Variants in GPD1 observed in about 807,000 individuals in gnomAD.
The protein encoded by GPD1 is glycerol-3-phosphate dehydrogenase 1, also known as glycerol-3-phosphate dehydrogenase [NAD(+)], cytoplasmic.
In GPD1, 19 loss-of-function variants were observed where a neutral mutation model predicts 34.4. The ratio of observed to expected loss-of-function variants is 0.55; its 90% CI spans 0.39 to 0.81. The LOEUF is 0.81. GPD1 is among the 30% of genes least tolerant of loss of function. The pLI, the probability that GPD1 is intolerant of heterozygous loss-of-function variation, is 0.00. For missense variants in GPD1, 429 were observed against 447.0 expected (o/e 0.96, Z 0.36); for synonymous variants, 172 against 174.1 (o/e 0.99, Z 0.09).
rs34926030 is a variant in GPD1, at chr12:50,109,134, CAAAAAAA to C, written c.954-271_954-265del. ...TAGGCGACAGAGCGAGAGTCTGTCT[CAAAAAAA>C]AAAAAAAAAAAAAAAAAGTGGGTTG... On this transcript the variant is annotated intron_variant, in intron 7 of 7. Coordinates refer to ENST00000301149, the MANE Select transcript of GPD1 (RefSeq NM_005276.4). 9.3e-5 allele frequency among the ~76,000 whole-genome samples: 6 copies of C among 64,354 alleles called. No homozygotes were observed. The East Asian group carries it at 1.4e-3, about 15-fold the overall frequency. The allele number at this position is 64,354 out of a possible 152,430, so 42.2% of individuals were successfully genotyped here. A position where few individuals can be genotyped will look rare whatever the true frequency, so the allele number is the denominator to read the frequency against.
rs1478650376 is a variant in GPD1 at position 50,108,039 on chromosome 12, G to T, written c.862G>T (p.Glu288Ter). ...TTCTGCACAGTCCATTGAGCAGCTG[G>T]AGAAAGAGTTGCTGAATGGGCAGAA... The part of the protein sequence containing the change: ...ARTGKSIEQL[E>*]KELLNGQKLQ... Residue 288 changes from glutamate to a stop codon, truncating the protein, a stop_gained, in exon 7 of 8, where the codon GAG (glutamate) becomes TAG (stop). Transcript: ENST00000301149. LOFTEE classifies it high-confidence loss of function. 1 of 1,610,454 alleles carries T rather than the reference G, an allele frequency of 6.2e-7. No individual in the cohort carries two copies. Among genetic ancestry groups the T allele is most frequent in the South Asian group, 1.1e-5 (1 of 90,808 alleles).
intron 7 of GPD1, 118 bp downstream of exon 7, chr12:50,108,248 C>G (rs1592303474): frequency 1.5e-6 from 1 of 679,012 alleles, no homozygotes; most frequent in Non-Finnish European, 2.7e-6. Context: ...GGGAGTATTA[C>G]CTTACATTTC....
intron 7 of GPD1, among the ~76,000 whole-genome samples, chr12:50,109,173 T>G (rs1056652604): frequency 2.7e-5 from 4 of 150,038 alleles, no homozygotes; most frequent in African/African-American, 7.4e-5. Context: ...GTTGCCCAGT[T>G]GGCACAGAAA....
intron 1 of GPD1, 40 bp downstream of exon 1, chr12:50,104,131 C>T (rs1342147925): frequency 1.9e-6 from 3 of 1,595,172 alleles, no homozygotes; most frequent in Non-Finnish European, 2.6e-6. Context: ...AAGGGTAGGC[C>T]CCCCAAGACA....
rs374426834 is a variant in GPD1 at position 50,105,620 on chromosome 12, A to C, written c.292A>C (p.Ile98Leu). 11 of 1,614,178 alleles carry C rather than the reference A, an allele frequency of 6.8e-6. No homozygotes were observed. The highest frequency in any genetic ancestry group is 9.3e-6 in the Non-Finnish European group (11 of 1,180,020). ...GATCTTTGTGGTGCCCCATCAGTTC[A>C]TCGGCAAGATCTGTGACCAGCTCAA... ...ILIFVVPHQF[I>L]GKICDQLKGH... The change falls in exon 3 of 8, where the codon ATC becomes CTC. Residue 98 changes from isoleucine (I) to leucine (L), a missense_variant. Transcript: ENST00000301149.
intron 4 of GPD1, 140 bp from the exon 5 acceptor site, chr12:50,106,665 A>T: frequency 1.5e-6 from 1 of 659,008 alleles, no homozygotes; most frequent in Non-Finnish European, 2.6e-6. Flanking sequence ...CCAGCTACTT[A>T]AGAGGCTGAG....
chr12:50,104,703 G>A lies in GPD1; in HGVS notation c.171G>A (p.Gln57=). 6.2e-7 allele frequency: 1 copy of A among 1,614,164 alleles called. No individual in the cohort carries two copies. The highest frequency in any genetic ancestry group is 8.5e-7 in the Non-Finnish European group (1 of 1,179,992). The change falls in exon 2 of 8, where the codon CAG becomes CAA. Residue 57 remains glutamine (Q), a synonymous_variant. Transcript: ENST00000301149. ...AGCTGACTGAGATCATCAACACGCA[G>A]CATGAGAATGTCAAATACCTGCCAG... The part of the protein sequence containing the change: ...GKKLTEIINT[Q]HENVKYLPGH...
chr12:50,107,328 C>A (rs1950986633), intron 5 of GPD1: 2 of 681,414 alleles, frequency 2.9e-6, no homozygotes, highest in Non-Finnish European at 5.4e-6. Context: ...ATGGGAAGAT[C>A]AACTAGAGAG....
intron 1 of GPD1, 53 bp downstream of exon 1, chr12:50,104,144 G>A (rs1950961352): frequency 6.4e-7 from 1 of 1,555,644 alleles, no homozygotes; most frequent in African/African-American, 1.4e-5. Context: ...CCAAGACAGA[G>A]GTGGGTAGGA....
At chr12:50,104,474 C>A in intron 1 of GPD1, 100 bp from the exon 2 acceptor site, 1 of 914,842 alleles carries the variant, frequency 1.1e-6, no homozygotes, top group Non-Finnish European at 1.8e-6. Flanking sequence ...TAGGAGTGAA[C>A]AGCCTGGGGG....
chr12:50,106,467 T>C, intron 4 of GPD1, 41 bp downstream of exon 4: 1 of 1,583,680 alleles, frequency 6.3e-7, no homozygotes, highest in South Asian at 1.1e-5. Flanking sequence ...TGCATCTAGT[T>C]GCATCCCCTC....
At chr12:50,104,323 G>A (rs1298097272) in intron 1 of GPD1, 5 of 703,570 alleles carry the variant, frequency 7.1e-6, no homozygotes, top group Non-Finnish European at 1.3e-5. Flanking sequence ...TATGTGAAGA[G>A]CCGCTTGAGT....
In GPD1 at chr12:50,109,670, A is replaced by G; in HGVS notation, c.*151A>G. 2 of 594,874 alleles carry G rather than the reference A, an allele frequency of 3.4e-6. No individual in the cohort carries two copies. The highest frequency in any genetic ancestry group is 5.6e-5 in the East Asian group (2 of 35,838). The allele number at this position is 594,874 out of a possible 1,614,324, so 36.8% of individuals were successfully genotyped here. A position where few individuals can be genotyped will look rare whatever the true frequency, so the allele number is the denominator to read the frequency against. Reference sequence around the variant, plus strand: ...GGACAGGAGGCTATGGGGCCCAGCTACGCACCTGGAGATCCTGAACTGTCA... The same window carrying G: ...GGACAGGAGGCTATGGGGCCCAGCTGCGCACCTGGAGATCCTGAACTGTCA... On this transcript the variant is annotated 3_prime_UTR_variant, in exon 8 of 8. Transcript: ENST00000301149.
chr12:50,107,549 G>T lies in GPD1; in HGVS notation c.613-18G>T. ...TAGGAGGGGGTCTTTTCTCACCTAT[G>T]ACCTCCACTCCTTCAAGAATGTAGT... On this transcript the variant is annotated intron_variant, in intron 5 of 7. Coordinates refer to ENST00000301149, the MANE Select transcript of GPD1 (RefSeq NM_005276.4). 6.3e-7 allele frequency: 1 copy of T among 1,597,416 alleles called. No homozygotes were observed. The highest frequency in any genetic ancestry group is 8.6e-7 in the Non-Finnish European group (1 of 1,164,922).
chr12:50,109,208 C>A (rs1951004602), intron 7 of GPD1, among the ~76,000 whole-genome samples: 1 of 151,126 alleles, frequency 6.6e-6, no homozygotes, highest in Admixed American at 6.6e-5. Flanking sequence ...ATCATGCAGG[C>A]CAGTTCAACA....
intron 1 of GPD1, chr12:50,104,324 C>T: frequency 2.8e-6 from 2 of 702,934 alleles, no homozygotes; most frequent in Admixed American, 4.0e-5. Context: ...ATGTGAAGAG[C>T]CGCTTGAGTT....
At chr12:50,105,380 G>T in intron 2 of GPD1, 168 bp from the exon 3 acceptor site, 1 of 642,980 alleles carries the variant, frequency 1.6e-6, no homozygotes, top group East Asian at 2.7e-5. Context: ...TGGGGGGAGG[G>T]AGTAGAGTGT....
At chr12:50,104,147 G>A (rs1361638358) in intron 1 of GPD1, 56 bp downstream of exon 1, 1 of 1,531,954 alleles carries the variant, frequency 6.5e-7, no homozygotes, top group Non-Finnish European at 9.1e-7. Flanking sequence ...AGACAGAGGT[G>A]GGTAGGAGGC....
At chr12:50,107,447 CCACA>C in intron 5 of GPD1, 116 bp from the exon 6 acceptor site, 2 of 844,220 alleles carry the variant, frequency 2.4e-6, no homozygotes, top group Non-Finnish European at 4.1e-6. Flanking sequence ...TTCTAAAAGG[CCACA>C]CACTATACCT....
Sources: allele counts gnomAD v4.1 joint callset (sites outside exome capture counted in the v4.1 genomes callset), GRCh38; gene constraint gnomAD v4.1.1; transcripts MANE v1.5; gene names NCBI Gene and HGNC (gene_info 2026-07-23, HGNC 2026-07-21).